KIF13B: variants seen among roughly 807,000 people sequenced by gnomAD.
The protein encoded by KIF13B is kinesin-like protein KIF13B.
A neutral mutation model predicts 222.0 loss-of-function variants in KIF13B; 127 were observed. That is an observed-to-expected ratio of 0.57 (90% CI 0.50 to 0.66). The LOEUF is 0.66. KIF13B is among the 30% of genes least tolerant of loss of function. The pLI is 0.00. For synonymous variants in KIF13B, 976 were observed against 919.0 expected (o/e 1.06, Z -1.12); for missense variants, 2,173 against 2,379.0 (o/e 0.91, Z 1.80).
Position 29,177,450 on chromosome 8 carries a change from C to T in KIF13B, c.833+16G>A, listed in dbSNP as rs748474277. The T allele has an allele frequency of 3.4e-6, 5 of 1,471,862 alleles. No homozygotes were observed. Among genetic ancestry groups the T allele is most frequent in the Admixed American group, 1.7e-5 (1 of 59,810 alleles). 91.2% of individuals were successfully genotyped at this position (1,471,862 alleles called of 1,614,324 possible). On this transcript the variant is annotated intron_variant, in intron 9 of 39. Transcript: ENST00000524189. Reference sequence around the variant, plus strand: ...AAATAAATAAAGCAATAAAAATAAGCTTTGAGAGCACTTACTTGTTAATGT... The same window carrying T: ...AAATAAATAAAGCAATAAAAATAAGTTTTGAGAGCACTTACTTGTTAATGT...
In KIF13B at chr8:29,163,974, T is replaced by C. The variant is rs572171352; in HGVS notation, c.1269+1688A>G. Reference sequence around the variant, plus strand: ...ACACAGGGAGATATGTAATGAGAAATAGTTTATACACTGATCTCTTCTCTA... The same window carrying C: ...ACACAGGGAGATATGTAATGAGAAACAGTTTATACACTGATCTCTTCTCTA... On this transcript the variant is annotated intron_variant, in intron 12 of 39. Coordinates refer to ENST00000524189, the MANE Select transcript of KIF13B (RefSeq NM_015254.4). 2.0e-5 allele frequency among the ~76,000 whole-genome samples: 3 copies of C among 152,290 alleles called. No individual in the cohort carries two copies. In the East Asian group the frequency reaches 5.8e-4, roughly 29 times the overall value.
intron 3 of KIF13B, among the ~76,000 whole-genome samples, chr8:29,191,499 C>T (rs1813185524): frequency 1.3e-5 from 2 of 152,160 alleles, no homozygotes; most frequent in African/African-American, 4.8e-5. Flanking sequence ...TAAATTATGA[C>T]ATGCCCATGT....
chr8:29,144,203 G>GA (rs1810950927), intron 18 of KIF13B, among the ~76,000 whole-genome samples: 1 of 151,820 alleles, frequency 6.6e-6, no homozygotes, highest in East Asian at 1.9e-4. Flanking sequence ...CATTTTCTAA[G>GA]AAAAAAATTT....
rs543373977 is a variant in KIF13B, at chr8:29,262,589, G to A, written c.55+391C>T. ...GCAGGGGCTGGCGACCCGCGCGCGG[G>A]GGCGACGATGACAGCTGGCGGGGAA... On this transcript the variant is annotated intron_variant, in intron 1 of 39. Transcript: ENST00000524189. Among the ~76,000 whole-genome samples, 25 of 151,870 alleles carry A rather than the reference G, an allele frequency of 1.6e-4. 3 individuals are homozygous for A. The South Asian group carries it at 5.0e-3, about 30-fold the overall frequency.
intron 2 of KIF13B, among the ~76,000 whole-genome samples, chr8:29,241,706 G>GA (rs75531371): frequency 0.012 from 1,117 of 96,198 alleles, 5 homozygotes; most frequent in Middle Eastern, 0.021. Flanking sequence ...GCAAGGGAGG[G>GA]AAAAAAAAAA....
chr8:29,210,481 C>T (rs10090750), intron 2 of KIF13B, among the ~76,000 whole-genome samples: 20,365 of 152,128 alleles, frequency 0.13, 1,508 homozygotes, highest in South Asian at 0.15. Context: ...AGCCTTATTG[C>T]CCCCAAATAA....
rs917396472 is a variant in KIF13B, at chr8:29,070,446, C to T, written c.*58G>A. Reference sequence around the variant, plus strand: ...GGCTCCTGGCTCCTCAGGGCTGTCACTGGCAGGGCTCAAAAGGGGCCGGGC... The same window carrying T: ...GGCTCCTGGCTCCTCAGGGCTGTCATTGGCAGGGCTCAAAAGGGGCCGGGC... On this transcript the variant is annotated 3_prime_UTR_variant, in exon 40 of 40. Transcript: ENST00000524189. This position sits in a 1 kb window ranked among gnomAD's most constrained non-coding sequence, Gnocchi z 4.1. 10 of 1,583,336 alleles carry T rather than the reference C, an allele frequency of 6.3e-6. No individual in the cohort carries two copies. In the African/African-American group the frequency reaches 1.1e-4, roughly 17 times the overall value.
chr8:29,189,296 T>C (rs1813073967), intron 4 of KIF13B: 1 of 152,058 alleles, frequency 6.6e-6, no homozygotes, highest in African/African-American at 2.4e-5. Flanking sequence ...TTTTTTTTTT[T>C]TTTTAATACC....
At chr8:29,209,536 T>C (rs995475705) in intron 2 of KIF13B, among the ~76,000 whole-genome samples, 1 of 152,162 alleles carries the variant, frequency 6.6e-6, no homozygotes, top group African/African-American at 2.4e-5. Flanking sequence ...CTTTAATTAC[T>C]CCTTGAGTTC....
chr8:29,248,872 G>A (rs959840505), intron 1 of KIF13B, among the ~76,000 whole-genome samples: 1 of 152,174 alleles, frequency 6.6e-6, no homozygotes, highest in African/African-American at 2.4e-5. Context: ...GTTGTCTAGG[G>A]CCAAGGAGTG....
intron 37 of KIF13B, among the ~76,000 whole-genome samples, chr8:29,086,585 C>T (rs940437205): frequency 6.6e-6 from 1 of 152,156 alleles, no homozygotes; most frequent in African/African-American, 2.4e-5. Context: ...GGGAGACAAA[C>T]GGTTTCAGGA....
intron 2 of KIF13B, among the ~76,000 whole-genome samples, chr8:29,225,740 T>A (rs577504649): frequency 8.3e-4 from 127 of 152,290 alleles, no homozygotes; most frequent in Non-Finnish European, 1.5e-3. Flanking sequence ...TGGGCAGGAT[T>A]TTATTGTAAT....
chr8:29,251,407 C>CA (rs1039911077), intron 1 of KIF13B, among the ~76,000 whole-genome samples: 7 of 152,128 alleles, frequency 4.6e-5, no homozygotes, highest in African/African-American at 1.7e-4. Context: ...AATGGAGAAA[C>CA]AAAACGTATA....
chr8:29,072,788 C>T (rs1217626334), intron 38 of KIF13B, among the ~76,000 whole-genome samples: 4 of 152,144 alleles, frequency 2.6e-5, no homozygotes, highest in Non-Finnish European at 5.9e-5. Flanking sequence ...GACCAAGGCC[C>T]CTCGCCACAG....
Position 29,071,486 on chromosome 8 carries a change from C to T in KIF13B, c.5218+134G>A, listed in dbSNP as rs1018325375. On this transcript the variant is annotated intron_variant, in intron 39 of 39. Transcript: ENST00000524189. The surrounding 1 kb of genome is among the most constrained non-coding windows in gnomAD (Gnocchi z 4.9). ...TCACCCCTGCAGGCCCAGCCGCTCCCGCAGCTTCAGCCAAGCCGCTGCCTC... is the reference window on the plus strand; with the variant it reads ...TCACCCCTGCAGGCCCAGCCGCTCCTGCAGCTTCAGCCAAGCCGCTGCCTC... 6 of 768,722 alleles carry T rather than the reference C, an allele frequency of 7.8e-6. No homozygotes were observed. Among genetic ancestry groups the T allele is most frequent in the African/African-American group, 7.0e-5 (4 of 56,804 alleles). 47.6% of individuals were successfully genotyped at this position (768,722 alleles called of 1,614,324 possible).
At position 29,096,555 on chromosome 8, in the gene KIF13B, G is replaced by A. The variant is rs149248121; in HGVS notation, c.4324+2578C>T. ...CACCTAGGCCTCCCAAAGTGCTAGG[G>A]CTACAGGTGGGAGCTACCGCACCCG... On this transcript the variant is annotated intron_variant, in intron 36 of 39. Coordinates refer to ENST00000524189, the MANE Select transcript of KIF13B (RefSeq NM_015254.4). 6.7e-3 allele frequency among the ~76,000 whole-genome samples: 1,013 copies of A among 152,098 alleles called. 10 individuals carry two copies. The highest frequency in any genetic ancestry group is 0.023 in the African/African-American group (971 of 41,494).
At chr8:29,175,501 C>A (rs752690365) in intron 10 of KIF13B, among the ~76,000 whole-genome samples, 9 of 152,206 alleles carry the variant, frequency 5.9e-5, no homozygotes, top group Non-Finnish European at 1.2e-4. Flanking sequence ...TTTCTCACTT[C>A]CATTGCTCTT....
intron 2 of KIF13B, among the ~76,000 whole-genome samples, chr8:29,244,095 C>G (rs563527763): frequency 8.4e-4 from 127 of 151,966 alleles, no homozygotes; most frequent in African/African-American, 2.7e-3. Flanking sequence ...CTCACTGCAA[C>G]CTCTGCCTCC....
chr8:29,145,791 C>G (rs1316621432), intron 18 of KIF13B: 1 of 121,586 alleles, frequency 8.2e-6, no homozygotes, highest in Non-Finnish European at 1.7e-5. Context: ...TGATCAAGAG[C>G]TAGAAAAGAA....
Sources: allele counts gnomAD v4.1 joint callset (sites outside exome capture counted in the v4.1 genomes callset), GRCh38; gene constraint gnomAD v4.1.1; non-coding constraint Gnocchi (gnomAD v3.1); transcripts MANE v1.5; gene names NCBI Gene and HGNC (gene_info 2026-07-23, HGNC 2026-07-21).